The following DENND2C variants were observed in gnomAD, a reference collection of about 807,000 sequenced individuals.
DENND2C encodes DENN domain-containing protein 2C.
In DENND2C, 72 loss-of-function variants were observed where a neutral mutation model predicts 112.4. The ratio of observed to expected loss-of-function variants is 0.64; its 90% CI spans 0.53 to 0.78. DENND2C has a LOEUF of 0.78. Among genes scored for constraint, DENND2C ranks in the 30% least tolerant of loss-of-function variants. The probability of loss-of-function intolerance (pLI) is 0.00; values close to 1 mark genes in which losing one functional copy is unlikely to be tolerated. For missense variants in DENND2C, 992 were observed against 1,113.8 expected (o/e 0.89, Z 1.56); for synonymous variants, 329 against 381.6 (o/e 0.86, Z 1.61).
chr1:114,591,295 G>A (rs115535906), intron 18 of DENND2C, among the ~76,000 whole-genome samples: 4,011 of 152,102 alleles, frequency 0.026, 95 homozygotes, highest in Non-Finnish European at 0.034. Flanking sequence ...TGAATATGGT[G>A]GGTATAAAAA....
At chr1:114,609,370 A>G (rs928408710) in intron 9 of DENND2C, among the ~76,000 whole-genome samples, 3 of 152,230 alleles carry the variant, frequency 2.0e-5, no homozygotes, top group East Asian at 1.9e-4. Context: ...TTTTCCTCAC[A>G]TTGAAGAAAC....
At chr1:114,646,584 C>T (rs1398674386) in intron 2 of DENND2C, among the ~76,000 whole-genome samples, 2 of 152,096 alleles carry the variant, frequency 1.3e-5, no homozygotes, top group East Asian at 1.9e-4. Flanking sequence ...AGGATGTCAC[C>T]GCCAACTCCG....
intron 8 of DENND2C, among the ~76,000 whole-genome samples, chr1:114,617,431 C>A (rs1656003351): frequency 6.6e-6 from 1 of 152,138 alleles, no homozygotes. Flanking sequence ...CTGCCTCAGC[C>A]TCCTGAGTAG....
chr1:114,603,455 A>T (rs1022258717), intron 11 of DENND2C, among the ~76,000 whole-genome samples: 6 of 149,594 alleles, frequency 4.0e-5, no homozygotes, highest in Non-Finnish European at 7.4e-5. Flanking sequence ...TTTTTAAGAG[A>T]CTGGGTCTCA....
chr1:114,621,503 A>C (rs999169544), intron 7 of DENND2C, among the ~76,000 whole-genome samples: 1 of 152,212 alleles, frequency 6.6e-6, no homozygotes, highest in African/African-American at 2.4e-5. Context: ...ATTACTGAAA[A>C]TCTGTAAACT....
At position 114,605,486 on chromosome 1, in the gene DENND2C, T is replaced by C. The variant is rs561846108; in HGVS notation, c.1558-455A>G. ...AACAATAATCAAAGAAGCTTTGAAA[T>C]GGTAGATGAATGTTATTTAGAAAAG... On this transcript the variant is annotated intron_variant, in intron 10 of 20. Coordinates refer to ENST00000393274, the MANE Select transcript of DENND2C (RefSeq NM_001256404.2). Among the ~76,000 whole-genome samples the C allele has an allele frequency of 4.6e-5, 7 of 152,254 alleles. 1 individual carries two copies. The highest frequency in any genetic ancestry group is 3.9e-4 in the Admixed American group (6 of 15,278).
chr1:114,632,111 A>T (rs1421980919), intron 3 of DENND2C, among the ~76,000 whole-genome samples: 2 of 152,206 alleles, frequency 1.3e-5, no homozygotes, highest in African/African-American at 4.8e-5. Flanking sequence ...CCTGAAGCAC[A>T]AAGTGAAGAA....
At position 114,595,888 on chromosome 1, in the gene DENND2C, A is replaced by T; in HGVS notation, c.2284-15T>A. On this transcript the variant is annotated splice_polypyrimidine_tract_variant and intron_variant, in intron 16 of 20. Coordinates refer to ENST00000393274, the MANE Select transcript of DENND2C (RefSeq NM_001256404.2). Reference sequence around the variant, plus strand: ...ACTATCAGCACCTATGAAATAAAGGAGCCAGGCAAGTTCAACCAGAGACAT... The same window carrying T: ...ACTATCAGCACCTATGAAATAAAGGTGCCAGGCAAGTTCAACCAGAGACAT... 1 of 1,613,470 alleles carries T rather than the reference A, an allele frequency of 6.2e-7. No individual in the cohort carries two copies. The highest frequency in any genetic ancestry group is 8.5e-7 in the Non-Finnish European group (1 of 1,179,608).
intron 18 of DENND2C, among the ~76,000 whole-genome samples, chr1:114,589,769 T>C (rs2086889): frequency 0.087 from 13,308 of 152,264 alleles, 815 homozygotes; most frequent in Non-Finnish European, 0.14. Flanking sequence ...TTAATGTATA[T>C]ACTTTACATA....
At chr1:114,621,740 T>G (rs1475473198) in intron 7 of DENND2C, among the ~76,000 whole-genome samples, 155 bp downstream of exon 7, 1 of 152,260 alleles carries the variant, frequency 6.6e-6, no homozygotes, top group East Asian at 1.9e-4. Context: ...TTCTCTAGCA[T>G]GAGCAAAAAT....
chr1:114,586,046 A>G (rs1000372618), intron 20 of DENND2C, among the ~76,000 whole-genome samples: 1 of 152,220 alleles, frequency 6.6e-6, no homozygotes, highest in Non-Finnish European at 1.5e-5. Context: ...TAATTTGTCC[A>G]TGGTCTGTCA....
intron 1 of DENND2C, among the ~76,000 whole-genome samples, chr1:114,666,604 C>T (rs564607466): frequency 1.2e-3 from 186 of 152,208 alleles, no homozygotes; most frequent in Admixed American, 2.6e-3. Context: ...TACAGGCACA[C>T]GCCACCACAC....
intron 3 of DENND2C, among the ~76,000 whole-genome samples, chr1:114,635,782 A>G (rs1013691862): frequency 6.6e-6 from 1 of 152,104 alleles, no homozygotes; most frequent in African/African-American, 2.4e-5. Flanking sequence ...TGAGGAGGGC[A>G]GATCACTTGA....
intron 8 of DENND2C, 121 bp downstream of exon 8, chr1:114,618,265 G>C (rs1196200593): frequency 2.0e-6 from 1 of 505,022 alleles, no homozygotes; most frequent in Non-Finnish European, 3.3e-6. Flanking sequence ...TGGGATTACA[G>C]GTGTGAGCCA....
At chr1:114,593,369 G>T (rs1165600743) in intron 18 of DENND2C, among the ~76,000 whole-genome samples, 1 of 152,160 alleles carries the variant, frequency 6.6e-6, no homozygotes, top group East Asian at 1.9e-4. Context: ...CTAAATGTTT[G>T]CTTTTAGCCC....
rs1300347069 is a variant in DENND2C at position 114,587,394 on chromosome 1, C to T, written c.2748G>A (p.Arg916=). 3.1e-6 allele frequency: 5 copies of T among 1,614,050 alleles called. No homozygotes were observed. The highest frequency in any genetic ancestry group is 4.2e-6 in the Non-Finnish European group (5 of 1,180,036). Residue 916 remains arginine (R), a synonymous_variant, in exon 20 of 21, where the codon CGG becomes CGA. Coordinates refer to ENST00000393274, the MANE Select transcript of DENND2C (RefSeq NM_001256404.2). ...GAAAACACAGCAACTAACCAAGACT[C>T]CGCAAAATTCTATTCATCCCACTGG... is the stretch of plus-strand genomic sequence containing the variant. ...SEPSGMNRIL[R]SLGSKMKFLQ...
chr1:114,638,778 A>G (rs905937298), intron 3 of DENND2C, among the ~76,000 whole-genome samples: 11 of 149,890 alleles, frequency 7.3e-5, no homozygotes, highest in South Asian at 6.3e-4. Flanking sequence ...AAAAAAAAAA[A>G]AGAGAAAAAA....
intron 20 of DENND2C, 50 bp downstream of exon 20, chr1:114,587,337 G>A (rs751964780): frequency 1.1e-5 from 17 of 1,598,198 alleles, no homozygotes; most frequent in Admixed American, 5.0e-5. Context: ...ATGAGCCACC[G>A]CGCCTGGTCT....
At position 114,604,948 on chromosome 1, in the gene DENND2C, G is replaced by A; in HGVS notation, c.1641C>T (p.Asp547=). The A allele has an allele frequency of 6.2e-7, 1 of 1,613,604 alleles. No homozygotes were observed. Among genetic ancestry groups the A allele is most frequent in the Non-Finnish European group, 8.5e-7 (1 of 1,179,782 alleles). The stretch of plus-strand genomic sequence containing the variant: ...TCTTGAGTTCTGAGGTTGGCATCCA[G>A]TCCTTTGAATCAGGAAAACAAAATT... ...IPKFCFPDSK[D]WMPTSELKSE... The change falls in exon 11 of 21, where the codon GAC becomes GAT. Residue 547 remains aspartate, a synonymous_variant. Transcript: ENST00000393274.
Sources: gnomAD v4.1 joint callset for allele counts (sites outside exome capture counted in the v4.1 genomes callset) on GRCh38, gnomAD v4.1.1 for gene constraint, MANE v1.5 for transcripts, NCBI Gene and HGNC (gene_info 2026-07-23, HGNC 2026-07-21) for gene names.